Variants in VPS13D observed in about 807,000 individuals in gnomAD.
The protein encoded by VPS13D is intermembrane lipid transfer protein VPS13D.
Under a neutral mutation model 461.9 loss-of-function variants are expected in VPS13D, and 187 were observed. The ratio of observed to expected loss-of-function variants is 0.40; its 90% CI spans 0.36 to 0.46. The LOEUF (loss-of-function observed/expected upper bound fraction) is 0.46, where lower values mean the gene tolerates loss of function less well. VPS13D is among the 20% of genes least tolerant of loss of function. The pLI is 0.60. For synonymous variants in VPS13D, 1,951 were observed against 1,986.3 expected (o/e 0.98, Z 0.47); for missense variants, 4,711 against 5,364.9 (o/e 0.88, Z 3.81).
intron 55 of VPS13D, among the ~76,000 whole-genome samples, chr1:12,378,061 G>A (rs75598458): frequency 0.031 from 4,721 of 152,182 alleles, 155 homozygotes; most frequent in Admixed American, 0.11. Flanking sequence ...TAAGGGCACC[G>A]GACGGTCATC....
Position 12,507,199 on chromosome 1 carries a change from T to A in VPS13D, c.13035+106T>A, listed in dbSNP as rs767122127. On this transcript the variant is annotated intron_variant, in intron 69 of 69. Transcript: ENST00000620676. The surrounding 1 kb of genome is among the most constrained non-coding windows in gnomAD (Gnocchi z 5.3). ...AGGAGCTCATTTAGGAGGTTGAGGC[T>A]GGGCCCTTCCCAGGAGTGCTGCCTC... is the stretch of plus-strand genomic sequence containing the variant. 4.1e-5 allele frequency: 65 copies of A among 1,594,292 alleles called. 1 individual carries two copies. In the South Asian group the frequency reaches 7.0e-4, roughly 17 times the overall value.
intron 52 of VPS13D, among the ~76,000 whole-genome samples, chr1:12,364,918 T>A: frequency 6.6e-6 from 1 of 152,218 alleles, no homozygotes; most frequent in Non-Finnish European, 1.5e-5. Flanking sequence ...GTCTTTGATT[T>A]GTTTTGGGTT....
At chr1:12,381,917 TTTTC>T (rs1197269190) in intron 57 of VPS13D, among the ~76,000 whole-genome samples, 1 of 93,770 alleles carries the variant, frequency 1.1e-5, no homozygotes, top group Admixed American at 1.2e-4. Context: ...TTTTTCTTTC[TTTTC>T]TTTTCTTTCT....
intron 67 of VPS13D, among the ~76,000 whole-genome samples, chr1:12,489,383 T>A (rs1398188202): frequency 6.6e-6 from 1 of 152,256 alleles, no homozygotes; most frequent in Non-Finnish European, 1.5e-5. Flanking sequence ...TCATCCCTGC[T>A]GCTGGATGTC....
chr1:12,297,904 T>C (rs1220674225), intron 24 of VPS13D, among the ~76,000 whole-genome samples: 1 of 152,192 alleles, frequency 6.6e-6, no homozygotes, highest in African/African-American at 2.4e-5. Flanking sequence ...GAGGAAACAT[T>C]GTTAACTCTT....
At chr1:12,349,524 T>C in intron 46 of VPS13D, 150 bp downstream of exon 46, 2 of 872,208 alleles carry the variant, frequency 2.3e-6, no homozygotes, top group Non-Finnish European at 3.4e-6. Flanking sequence ...TAGTTAGAGT[T>C]CATGAGAACT....
intron 7 of VPS13D, 127 bp from the exon 8 acceptor site, chr1:12,256,206 A>T: frequency 9.3e-7 from 1 of 1,074,262 alleles, no homozygotes; most frequent in Non-Finnish European, 1.3e-6. Context: ...ACAGACAAAA[A>T]TATTTGCCGC....
At chr1:12,271,872 A>G (rs1468446903) in intron 17 of VPS13D, among the ~76,000 whole-genome samples, 2 of 152,096 alleles carry the variant, frequency 1.3e-5, no homozygotes, top group Admixed American at 6.5e-5. Context: ...TGCCATAGAT[A>G]GGGAGGGCCA....
At chr1:12,475,791 G>A (rs1335038935) in intron 67 of VPS13D, among the ~76,000 whole-genome samples, 5 of 152,072 alleles carry the variant, frequency 3.3e-5, no homozygotes, top group African/African-American at 9.7e-5. Context: ...AATGTCCAGG[G>A]AACCTGTTGT....
intron 54 of VPS13D, among the ~76,000 whole-genome samples, chr1:12,372,612 T>A (rs902131111): frequency 1.3e-5 from 2 of 152,184 alleles, no homozygotes; most frequent in African/African-American, 4.8e-5. Context: ...TCTTACCAGA[T>A]GTATGATTTG....
intron 67 of VPS13D, among the ~76,000 whole-genome samples, chr1:12,461,738 G>A (rs1005365044): frequency 2.6e-5 from 4 of 152,184 alleles, no homozygotes; most frequent in African/African-American, 9.7e-5. Flanking sequence ...TGTCAAAATA[G>A]CCAAGGGATT....
chr1:12,307,262 TATC>T (rs1472585769), intron 26 of VPS13D, among the ~76,000 whole-genome samples: 1 of 152,134 alleles, frequency 6.6e-6, no homozygotes, highest in African/African-American at 2.4e-5. Context: ...TAATAAATGT[TATC>T]ATGGAAAAGA....
At chr1:12,402,713 T>C (rs545565279) in intron 62 of VPS13D, 1 of 152,380 alleles carries the variant, frequency 6.6e-6, no homozygotes, top group Non-Finnish European at 1.5e-5. Flanking sequence ...GTATCCATTC[T>C]GTTTTGGTAC....
intron 60 of VPS13D, among the ~76,000 whole-genome samples, chr1:12,390,215 C>T (rs2101661873): frequency 6.6e-6 from 1 of 152,302 alleles, no homozygotes; most frequent in Admixed American, 6.5e-5. Context: ...TCCTCTTCCA[C>T]CCATTGATTC....
chr1:12,448,288 G>A (rs1031346701), intron 65 of VPS13D, among the ~76,000 whole-genome samples: 1 of 152,088 alleles, frequency 6.6e-6, no homozygotes, highest in African/African-American at 2.4e-5. Flanking sequence ...CGCCATAGAG[G>A]GAATTTTTTT....
chr1:12,332,741 ATGT>A (rs1452223036), intron 37 of VPS13D, among the ~76,000 whole-genome samples: 1 of 152,158 alleles, frequency 6.6e-6, no homozygotes, highest in Non-Finnish European at 1.5e-5. Flanking sequence ...ATTATTTTAT[ATGT>A]TGTTTATATA....
intron 63 of VPS13D, among the ~76,000 whole-genome samples, chr1:12,411,475 T>TGGAA (rs112955303): frequency 4.1e-5 from 5 of 120,952 alleles, no homozygotes; most frequent in African/African-American, 6.5e-5. Flanking sequence ...TCTACAAAAA[T>TGGAA]GGAAGGAAGG....
At position 12,394,328 on chromosome 1, in the gene VPS13D, C is replaced by T. The variant is rs76108872; in HGVS notation, c.11635-5853C>T. On this transcript the variant is annotated intron_variant, in intron 60 of 69. Transcript: ENST00000620676. ...AATGCAGCAGGCTTCCTATTAATTT[C>T]GCTTCTAGGAACACCATGATTAATT... is the stretch of plus-strand genomic sequence containing the variant. Among the ~76,000 whole-genome samples the T allele has an allele frequency of 2.6e-3, 401 of 152,244 alleles. 2 individuals are homozygous for T. Among genetic ancestry groups the T allele is most frequent in the East Asian group, 0.013 (68 of 5,178 alleles).
intron 2 of VPS13D, among the ~76,000 whole-genome samples, chr1:12,241,178 A>AG (rs1374286562): frequency 6.6e-6 from 1 of 152,134 alleles, no homozygotes; most frequent in Non-Finnish European, 1.5e-5. Flanking sequence ...CCTGGGCTCA[A>AG]GCGATTTCCC....
Sources: allele counts gnomAD v4.1 joint callset (sites outside exome capture counted in the v4.1 genomes callset), GRCh38; gene constraint gnomAD v4.1.1; non-coding constraint Gnocchi (gnomAD v3.1); transcripts MANE v1.5; gene names NCBI Gene and HGNC (gene_info 2026-07-23, HGNC 2026-07-21).